CFAP251: variants seen among roughly 807,000 people sequenced by gnomAD.
CFAP251 encodes the protein cilia- and flagella-associated protein 251.
In CFAP251, 93 loss-of-function variants were observed where a neutral mutation model predicts 126.7. The ratio of observed to expected loss-of-function variants is 0.73; its 90% CI spans 0.62 to 0.87. CFAP251 has a LOEUF of 0.87. Among genes scored for constraint, CFAP251 ranks in the 40% least tolerant of loss-of-function variants. The pLI is 0.00. For synonymous variants in CFAP251, 503 were observed against 506.9 expected, an observed-to-expected ratio of 0.99 and a Z score of 0.10; for missense variants, 1,287 against 1,389.2, an observed-to-expected ratio of 0.93 and a Z score of 1.17.
rs1372259657 is a variant in CFAP251, at chr12:121,959,053, CAT to C, written c.2096_2097del (p.Ile699LysfsTer5). 6.2e-7 allele frequency: 1 copy of C among 1,609,884 alleles called. No homozygotes were observed. The highest frequency in any genetic ancestry group is 8.5e-7 in the Non-Finnish European group (1 of 1,178,968). On this transcript the variant is annotated frameshift_variant, in exon 13 of 22. Transcript: ENST00000288912. LOFTEE classifies it high-confidence loss of function. ...CAAATATTCCAGAACCAGTGTGACT[CAT>C]ATAAGCTTTTCCCATGACTCCCAGT... ...PFKYSRTSVT[H>X]ISFSHDSQYM... is the part of the protein sequence containing the mutation.
chr12:121,958,918 A>G (rs373766900), intron 12 of CFAP251, 25 bp from the exon 13 acceptor site: 151 of 1,562,060 alleles, frequency 9.7e-5, no homozygotes, highest in Non-Finnish European at 1.2e-4. Flanking sequence ...ATCCTTTTCC[A>G]TCGTTCTCTG....
rs1358263463 is a variant in CFAP251 at position 122,003,796 on chromosome 12, T to G, written c.*32T>G. 1 of 1,556,934 alleles carries G rather than the reference T, an allele frequency of 6.4e-7. No individual in the cohort carries two copies. Among genetic ancestry groups the G allele is most frequent in the Non-Finnish European group, 8.7e-7 (1 of 1,148,624 alleles). On this transcript the variant is annotated 3_prime_UTR_variant, in exon 22 of 22. Coordinates refer to ENST00000288912, the MANE Select transcript of CFAP251 (RefSeq NM_144668.6). Reference sequence around the variant, plus strand: ...CAGGAATGTTTAAAGCACAAAGGACTTTGGGTGTGTGTGCATGCACATGTG... The same window carrying G: ...CAGGAATGTTTAAAGCACAAAGGACGTTGGGTGTGTGTGCATGCACATGTG...
chr12:122,003,041 A>G (rs1249157194), intron 21 of CFAP251, among the ~76,000 whole-genome samples: 1 of 152,118 alleles, frequency 6.6e-6, no homozygotes, highest in Non-Finnish European at 1.5e-5. Flanking sequence ...TGATTGTTAT[A>G]TATTTCTGCT....
chr12:121,954,648 A>AC (rs1357093175), intron 10 of CFAP251, among the ~76,000 whole-genome samples: 7 of 135,510 alleles, frequency 5.2e-5, no homozygotes, highest in African/African-American at 1.8e-4. Flanking sequence ...AAAAAAAAAA[A>AC]AAAAAAAAAA....
intron 3 of CFAP251, among the ~76,000 whole-genome samples, chr12:121,929,922 C>A (rs1340024438): frequency 6.6e-6 from 1 of 152,190 alleles, no homozygotes; most frequent in African/African-American, 2.4e-5. Context: ...AGATGATCCA[C>A]CCGCCTCGGC....
At chr12:121,978,671 A>T (rs1882542624) in intron 19 of CFAP251, among the ~76,000 whole-genome samples, 1 of 152,160 alleles carries the variant, frequency 6.6e-6, no homozygotes, top group African/African-American at 2.4e-5. Flanking sequence ...GCGTGTGCAT[A>T]TACATATGTA....
intron 19 of CFAP251, chr12:121,992,300 G>A (rs550882436): frequency 1.1e-4 from 111 of 985,426 alleles, no homozygotes; most frequent in Middle Eastern, 1.0e-3. Flanking sequence ...TTGCGAAGTC[G>A]GCTCAGGAAG....
chr12:121,975,585 G>A lies in CFAP251; in HGVS notation c.2906G>A (p.Gly969Asp). 6.2e-7 allele frequency: 1 copy of A among 1,606,424 alleles called. No individual in the cohort carries two copies. The highest frequency in any genetic ancestry group is 8.5e-7 in the Non-Finnish European group (1 of 1,178,202). ...YFYYSQLRSQ[G>D]IDTMETRKVS... ...TACTATTCTCAGCTCCGCAGTCAAG[G>A]CATCGACACAATGGAGACCAGAAAG... Residue 969 changes from glycine (G) to aspartate (D), a missense_variant, in exon 19 of 22, where the codon GGC (glycine) becomes GAC (aspartate). Physicochemically the swap from Gly to Asp is moderately conservative, Grantham distance 94. Transcript: ENST00000288912.
At chr12:121,982,453 C>G (rs1291448557) in intron 19 of CFAP251, among the ~76,000 whole-genome samples, 1 of 151,362 alleles carries the variant, frequency 6.6e-6, no homozygotes, top group Non-Finnish European at 1.5e-5. Flanking sequence ...CATCTCAGTT[C>G]ACCGCACCTC....
Position 121,921,491 on chromosome 12 carries a change from G to A in CFAP251, c.186G>A (p.Gly62=), listed in dbSNP as rs58098972. The change falls in exon 2 of 22, where the codon GGG becomes GGA. Residue 62 remains glycine (G), a synonymous_variant. Transcript: ENST00000288912. ...AGAGGAAAACGGGCGAGGAGGAAGG[G>A]GAGGAGGAGGGGAAGGAGGACAAAA... ...EEERKTGEEE[G]EEEGKEDKKI... 6.2e-7 allele frequency: 1 copy of A among 1,606,712 alleles called. No homozygotes were observed. The highest frequency in any genetic ancestry group is 8.5e-7 in the Non-Finnish European group (1 of 1,176,066).
chr12:121,995,386 C>G (rs1882999732), intron 19 of CFAP251, among the ~76,000 whole-genome samples: 1 of 152,190 alleles, frequency 6.6e-6, no homozygotes. Context: ...AGTATAAACT[C>G]AGTAAATGCT....
At chr12:121,995,390 A>T (rs145911033) in intron 19 of CFAP251, among the ~76,000 whole-genome samples, 203 of 152,400 alleles carry the variant, frequency 1.3e-3, no homozygotes, top group African/African-American at 4.8e-3. Context: ...TAAACTCAGT[A>T]AATGCTGTAT....
intron 3 of CFAP251, among the ~76,000 whole-genome samples, chr12:121,924,455 A>C (rs569282077): frequency 1.1e-5 from 1 of 88,662 alleles, no homozygotes. Flanking sequence ...TTTTGGAGAC[A>C]CAGTTTCACT....
intron 14 of CFAP251, among the ~76,000 whole-genome samples, chr12:121,961,036 C>T (rs2135784954): frequency 6.6e-6 from 1 of 152,308 alleles, no homozygotes; most frequent in South Asian, 2.1e-4. Context: ...AAGCAGCCGC[C>T]CTTGCCTCCC....
At position 121,962,089 on chromosome 12, in the gene CFAP251, A is replaced by G; in HGVS notation, c.2419A>G (p.Arg807Gly). The change falls in exon 15 of 22, where the codon AGG (arginine) becomes GGG (glycine). Residue 807 changes from arginine to glycine, a missense_variant. Transcript: ENST00000288912. ...CATGGTCTGGTACCCACCACTCACC[A>G]GGGAACTCTTCCTGCTTATTTGCAA... ...TCMVWYPPLT[R>G]ELFLLICNSG... 1 of 1,614,070 alleles carries G rather than the reference A, an allele frequency of 6.2e-7. No individual in the cohort carries two copies.
intron 12 of CFAP251, 51 bp downstream of exon 12, chr12:121,958,573 A>C (rs765725792): frequency 1.9e-6 from 3 of 1,605,566 alleles, no homozygotes; most frequent in Non-Finnish European, 2.6e-6. Flanking sequence ...CAGCCCTGAA[A>C]GGGATGGATG....
At chr12:122,001,780 T>G in intron 21 of CFAP251, 182 bp downstream of exon 21, 1 of 622,290 alleles carries the variant, frequency 1.6e-6, no homozygotes, top group Non-Finnish European at 2.9e-6. Context: ...GTGGCTTTTG[T>G]TCCCGCGCTC....
intron 20 of CFAP251, 59 bp from the exon 21 acceptor site, chr12:122,001,438 C>T: frequency 7.3e-7 from 1 of 1,363,934 alleles, no homozygotes; most frequent in East Asian, 2.3e-5. Flanking sequence ...ACGCTAAGCC[C>T]TGACAGTATG....
At chr12:121,935,863 C>T (rs1359068832) in intron 5 of CFAP251, among the ~76,000 whole-genome samples, 3 of 152,188 alleles carry the variant, frequency 2.0e-5, no homozygotes, top group South Asian at 2.1e-4. Flanking sequence ...CCTCCTTCCC[C>T]GGCTGGAGGC....
Sources: allele counts gnomAD v4.1 joint callset (sites outside exome capture counted in the v4.1 genomes callset), GRCh38; gene constraint gnomAD v4.1.1; transcripts MANE v1.5; gene names NCBI Gene and HGNC (gene_info 2026-07-23, HGNC 2026-07-21).